The following SNX29 variants were observed in gnomAD, a reference collection of about 807,000 sequenced individuals.
The protein encoded by SNX29 is sorting nexin-29.
Under a neutral mutation model 102.1 loss-of-function variants are expected in SNX29, and 78 were observed. The observed-to-expected ratio is 0.76, with a 90% CI of 0.64 to 0.92. The LOEUF is 0.92. Ranked by LOEUF, SNX29 falls within the 40% of genes least tolerant of loss-of-function variation. The pLI, the probability that SNX29 is intolerant of heterozygous loss-of-function variation, is 0.00. For missense variants in SNX29, 1,280 were observed against 1,061.7 expected (o/e 1.21, Z -2.86); for synonymous variants, 580 against 414.5 (o/e 1.40, Z -4.85).
intron 18 of SNX29, among the ~76,000 whole-genome samples, chr16:12,441,860 A>G (rs1315927806): frequency 6.6e-6 from 1 of 151,912 alleles, no homozygotes; most frequent in East Asian, 1.9e-4. Flanking sequence ...GTGATCTCAG[A>G]TCCCTGCAAC....
rs111237023 is a variant in SNX29, at chr16:12,325,111, C to G, written c.1783-31052C>G. ...TGACTTTCCTTTGCAAAATTTTGCC[C>G]TTCGCTAGCAATGTATCCCATCTCT... On this transcript the variant is annotated intron_variant, in intron 15 of 20. Transcript: ENST00000566228. 4.8e-3 allele frequency among the ~76,000 whole-genome samples: 731 copies of G among 152,222 alleles called. 5 individuals carry two copies. The highest frequency in any genetic ancestry group is 0.017 in the African/African-American group (709 of 41,544).
chr16:12,547,298 G>A (rs74011370), intron 20 of SNX29, among the ~76,000 whole-genome samples: 8,859 of 152,260 alleles, frequency 0.058, 465 homozygotes, highest in East Asian at 0.18. Context: ...GAAACAGCAA[G>A]GAAGCCAGGG....
intron 9 of SNX29, among the ~76,000 whole-genome samples, chr16:12,062,145 G>C (rs767702456): frequency 6.6e-6 from 1 of 152,000 alleles, no homozygotes; most frequent in Non-Finnish European, 1.5e-5. Context: ...TTGTGAAGCC[G>C]AGGCGGGTGG....
chr16:12,093,606 A>G (rs1452460459), intron 11 of SNX29: 1 of 152,190 alleles, frequency 6.6e-6, no homozygotes, highest in Non-Finnish European at 1.5e-5. Context: ...ACCGTGTCTT[A>G]AAGAGAAAGA....
At chr16:12,394,237 C>G (rs1019146643) in intron 16 of SNX29, among the ~76,000 whole-genome samples, 1 of 152,172 alleles carries the variant, frequency 6.6e-6, no homozygotes, top group African/African-American at 2.4e-5. Context: ...ATCAGAGGTC[C>G]GTTTACCAGC....
At chr16:12,193,678 T>C (rs1720305844) in intron 13 of SNX29, among the ~76,000 whole-genome samples, 1 of 152,148 alleles carries the variant, frequency 6.6e-6, no homozygotes, top group Non-Finnish European at 1.5e-5. Context: ...TTGTATAAGG[T>C]GTGAGTATTG....
chr16:12,242,702 G>T (rs951975006), intron 14 of SNX29, among the ~76,000 whole-genome samples: 4 of 150,024 alleles, frequency 2.7e-5, no homozygotes, highest in African/African-American at 9.9e-5. Context: ...CACCCAGGCT[G>T]GAGTACAATG....
At chr16:12,519,989 C>CA (rs1159652852) in intron 19 of SNX29, among the ~76,000 whole-genome samples, 21 of 150,496 alleles carry the variant, frequency 1.4e-4, no homozygotes, top group African/African-American at 3.9e-4. Context: ...GTCCCGCCTG[C>CA]AAAAAATAAA....
chr16:12,514,724 G>T (rs572592253), intron 19 of SNX29, among the ~76,000 whole-genome samples: 2 of 152,168 alleles, frequency 1.3e-5, no homozygotes, highest in Admixed American at 1.3e-4. Context: ...GATTAGCTGG[G>T]CGTGGTGGCA....
Position 12,571,687 on chromosome 16 carries a change from TGA to T in SNX29, c.*3063_*3064del, listed in dbSNP as rs71711881. On this transcript the variant is annotated 3_prime_UTR_variant, in exon 21 of 21. Coordinates refer to ENST00000566228, the MANE Select transcript of SNX29 (RefSeq NM_032167.5). Reference sequence around the variant, plus strand: ...AGGGCTGGGCAGAGGTGTCTCTCCTTGAGAGACAACAAAAGCTTCTAAGGGAG... The same window carrying T: ...AGGGCTGGGCAGAGGTGTCTCTCCTTGAGACAACAAAAGCTTCTAAGGGAG... The T allele has an allele frequency of 0.017, 17,498 of 1,058,844 alleles. 679 individuals carry two copies. The East Asian group carries it at 0.17, about 11-fold the overall frequency. The allele number at this position is 1,058,844 out of a possible 1,614,324, so 65.6% of individuals were successfully genotyped here.
intron 15 of SNX29, among the ~76,000 whole-genome samples, chr16:12,335,844 G>A (rs572079824): frequency 6.6e-6 from 1 of 152,144 alleles, no homozygotes; most frequent in Non-Finnish European, 1.5e-5. Flanking sequence ...GTTTACTAAT[G>A]AGGACGCCAA....
At chr16:12,013,413 T>G (rs76019796) in intron 3 of SNX29, among the ~76,000 whole-genome samples, 55,821 of 135,218 alleles carry the variant, frequency 0.41, 12,338 homozygotes, top group Non-Finnish European at 0.49. Flanking sequence ...GGAGGCTGAG[T>G]GGGGGACAGA....
chr16:12,303,251 C>T (rs1401119328), intron 15 of SNX29, among the ~76,000 whole-genome samples: 1 of 152,166 alleles, frequency 6.6e-6, no homozygotes, highest in Admixed American at 6.5e-5. Flanking sequence ...TTTAGCCCCA[C>T]CCTAGTGAAA....
chr16:12,105,222 TCCCTC>T (rs1567210189), intron 11 of SNX29, among the ~76,000 whole-genome samples: 6 of 99,348 alleles, frequency 6.0e-5, no homozygotes, highest in Non-Finnish European at 1.0e-4. Flanking sequence ...CCTCCCTCCC[TCCCTC>T]CCTTCCTTCC....
chr16:12,492,060 G>A (rs1228121210), intron 19 of SNX29, among the ~76,000 whole-genome samples: 1 of 152,174 alleles, frequency 6.6e-6, no homozygotes, highest in Non-Finnish European at 1.5e-5. Flanking sequence ...TGGGATGGCT[G>A]GGTCAGATGG....
At chr16:12,382,190 C>T (rs893970179) in intron 16 of SNX29, among the ~76,000 whole-genome samples, 3 of 152,090 alleles carry the variant, frequency 2.0e-5, no homozygotes, top group South Asian at 2.1e-4. Flanking sequence ...CTGCGATAGA[C>T]GACACCAAAC....
chr16:12,554,697 C>T (rs1459480139), intron 20 of SNX29, among the ~76,000 whole-genome samples: 1 of 152,188 alleles, frequency 6.6e-6, no homozygotes, highest in African/African-American at 2.4e-5. Context: ...GCATCCCTGC[C>T]CATGCCTGGT....
intron 14 of SNX29, among the ~76,000 whole-genome samples, chr16:12,259,399 C>T (rs966545833): frequency 1.3e-5 from 2 of 152,170 alleles, no homozygotes; most frequent in Non-Finnish European, 2.9e-5. Context: ...TGTCCTCCTC[C>T]TCTCTGCCCC....
chr16:12,369,814 A>G (rs1424789448), intron 16 of SNX29, among the ~76,000 whole-genome samples: 2 of 152,224 alleles, frequency 1.3e-5, no homozygotes, highest in East Asian at 1.9e-4. Flanking sequence ...TTAATTTAAT[A>G]TATTTATTTC....
Sources: allele counts gnomAD v4.1 joint callset (sites outside exome capture counted in the v4.1 genomes callset), GRCh38; gene constraint gnomAD v4.1.1; transcripts MANE v1.5; gene names NCBI Gene and HGNC (gene_info 2026-07-23, HGNC 2026-07-21).